CNTNAP2: variants seen among roughly 807,000 people sequenced by gnomAD.
The protein encoded by CNTNAP2 is contactin-associated protein-like 2.
In CNTNAP2, 98 loss-of-function variants were observed where a neutral mutation model predicts 155.2. That is an observed-to-expected ratio of 0.63 (90% confidence interval 0.54 to 0.75). The LOEUF (loss-of-function observed/expected upper bound fraction) is 0.75. Among genes scored for constraint, CNTNAP2 ranks in the 30% least tolerant of loss-of-function variants. CNTNAP2 has a pLI of 0.00. For synonymous variants in CNTNAP2, 651 were observed against 631.2 expected, an observed-to-expected ratio of 1.03 and a Z score of -0.47; for missense variants, 1,727 against 1,688.1, an observed-to-expected ratio of 1.02 and a Z score of -0.40.
chr7:146,992,230 A>T (rs751455753), intron 3 of CNTNAP2, among the ~76,000 whole-genome samples: 2 of 152,040 alleles, frequency 1.3e-5, no homozygotes, highest in Non-Finnish European at 2.9e-5. Flanking sequence ...AACTACTTTT[A>T]AAAAAAATCT....
intron 17 of CNTNAP2, among the ~76,000 whole-genome samples, chr7:148,166,114 C>T (rs1562980905): frequency 6.6e-6 from 1 of 152,010 alleles, no homozygotes; most frequent in Non-Finnish European, 1.5e-5. Context: ...CCCACTCCAA[C>T]TCTGGATCCC....
At chr7:146,550,101 A>G (rs1798092245) in intron 1 of CNTNAP2, among the ~76,000 whole-genome samples, 1 of 152,084 alleles carries the variant, frequency 6.6e-6, no homozygotes. Context: ...AAGGGATTAA[A>G]CTTGGATTGA....
At chr7:147,579,700 T>A (rs1204094482) in intron 12 of CNTNAP2, among the ~76,000 whole-genome samples, 3 of 152,184 alleles carry the variant, frequency 2.0e-5, no homozygotes, top group Non-Finnish European at 4.4e-5. Flanking sequence ...AAAATCTTAT[T>A]CTCATTCTAA....
chr7:147,726,147 A>T (rs971694467), intron 13 of CNTNAP2, among the ~76,000 whole-genome samples: 4 of 152,082 alleles, frequency 2.6e-5, no homozygotes, highest in African/African-American at 9.7e-5. Context: ...ATATAAATTT[A>T]TTCAAGATGA....
chr7:147,663,259 G>A (rs1338140729), intron 13 of CNTNAP2, among the ~76,000 whole-genome samples: 4 of 152,324 alleles, frequency 2.6e-5, no homozygotes, highest in East Asian at 1.9e-4. Flanking sequence ...GCCTCCCAAC[G>A]TGCTGGGATT....
chr7:147,977,099 A>G (rs1350585171), intron 14 of CNTNAP2, among the ~76,000 whole-genome samples: 3 of 152,070 alleles, frequency 2.0e-5, no homozygotes, highest in Admixed American at 2.0e-4. Context: ...CACATAACTC[A>G]TCTTAAGCCC....
At chr7:147,288,824 C>T (rs995861692) in intron 8 of CNTNAP2, among the ~76,000 whole-genome samples, 1 of 152,166 alleles carries the variant, frequency 6.6e-6, no homozygotes, top group African/African-American at 2.4e-5. Flanking sequence ...TCAAATGCCA[C>T]TCTATAATGT....
chr7:147,352,829 A>G (rs2116881237), intron 9 of CNTNAP2, among the ~76,000 whole-genome samples: 1 of 152,154 alleles, frequency 6.6e-6, no homozygotes, highest in East Asian at 1.9e-4. Context: ...TGCCATTAGC[A>G]TGCTAAATAA....
At chr7:146,496,216 C>T (rs924553441) in intron 1 of CNTNAP2, among the ~76,000 whole-genome samples, 1 of 150,946 alleles carries the variant, frequency 6.6e-6, no homozygotes, top group African/African-American at 2.4e-5. Context: ...CTAGATGTGG[C>T]TCTGAGTTCA....
intron 21 of CNTNAP2, among the ~76,000 whole-genome samples, chr7:148,351,670 G>A (rs1428631081): frequency 7.0e-6 from 1 of 143,202 alleles, no homozygotes; most frequent in African/African-American, 2.6e-5. Flanking sequence ...TTGAACCCAG[G>A]AGCCGGAGGT....
Position 146,353,787 on chromosome 7 carries a change from T to TAAC in CNTNAP2, c.97+236816_97+236817insCAA, listed in dbSNP as rs552183532. On this transcript the variant is annotated intron_variant, in intron 1 of 23. Coordinates refer to ENST00000361727, the MANE Select transcript of CNTNAP2 (RefSeq NM_014141.6). ...AGATTACTAGGGCCTATTAAAACAA[T>TAAC]AATAATAATAATAATAATAAACTCC... 3.7e-3 allele frequency among the ~76,000 whole-genome samples: 567 copies of TAAC among 151,422 alleles called. 1 individual carries two copies. The highest frequency in any genetic ancestry group is 5.9e-3 in the Non-Finnish European group (400 of 67,776).
At chr7:146,713,818 G>T (rs149305765) in intron 1 of CNTNAP2, among the ~76,000 whole-genome samples, 66 of 152,120 alleles carry the variant, frequency 4.3e-4, no homozygotes, top group South Asian at 6.2e-4. Context: ...GCCACTTGTC[G>T]TATGGCATGA....
intron 8 of CNTNAP2, among the ~76,000 whole-genome samples, chr7:147,258,786 G>A (rs372420004): frequency 1.1e-3 from 168 of 152,270 alleles, no homozygotes; most frequent in African/African-American, 3.7e-3. Flanking sequence ...TGAATTCCAC[G>A]TCTAGTGCTC....
chr7:147,027,551 CG>C (rs1798946684), intron 3 of CNTNAP2, among the ~76,000 whole-genome samples: 1 of 152,156 alleles, frequency 6.6e-6, no homozygotes, highest in Non-Finnish European at 1.5e-5. Flanking sequence ...GAGTTGGCAA[CG>C]TATGAACAAA....
intron 15 of CNTNAP2, among the ~76,000 whole-genome samples, chr7:148,090,353 T>C (rs1306639544): frequency 1.3e-5 from 2 of 152,022 alleles, no homozygotes; most frequent in Non-Finnish European, 2.9e-5. Flanking sequence ...TCACAAACCA[T>C]ACCTCTGATA....
intron 1 of CNTNAP2, among the ~76,000 whole-genome samples, chr7:146,647,126 A>T (rs1050844143): frequency 6.6e-6 from 1 of 152,158 alleles, no homozygotes. Flanking sequence ...GGATAACAAG[A>T]GGCAGGTAAA....
intron 1 of CNTNAP2, among the ~76,000 whole-genome samples, chr7:146,440,263 TA>T: frequency 6.6e-6 from 1 of 151,738 alleles, no homozygotes; most frequent in East Asian, 1.9e-4. Flanking sequence ...GGAGTAAAAG[TA>T]AATGAAGATG....
intron 8 of CNTNAP2, among the ~76,000 whole-genome samples, chr7:147,166,487 C>T (rs1363343501): frequency 1.3e-5 from 2 of 152,000 alleles, no homozygotes; most frequent in Non-Finnish European, 2.9e-5. Flanking sequence ...CAAATCACCA[C>T]GAAAGAACTT....
At chr7:148,018,706 A>G (rs911919554) in intron 15 of CNTNAP2, among the ~76,000 whole-genome samples, 1 of 152,208 alleles carries the variant, frequency 6.6e-6, no homozygotes. Context: ...CACCTCCACA[A>G]TGGCTTCCAG....
Sources: allele counts gnomAD v4.1 joint callset (sites outside exome capture counted in the v4.1 genomes callset), GRCh38; gene constraint gnomAD v4.1.1; transcripts MANE v1.5; gene names NCBI Gene and HGNC (gene_info 2026-07-23, HGNC 2026-07-21).